The following COG4 variants were observed in gnomAD, a reference collection of about 807,000 sequenced individuals.
The protein encoded by COG4 is component of oligomeric golgi complex 4, also known as conserved oligomeric Golgi complex subunit 4.
A neutral mutation model predicts 95.1 loss-of-function variants in COG4; 65 were observed. The ratio of observed to expected loss-of-function variants is 0.68; its 90% CI spans 0.56 to 0.84. The LOEUF is 0.84. Among genes scored for constraint, COG4 ranks in the 40% least tolerant of loss-of-function variants. The pLI is 0.00. For synonymous variants in COG4, 421 were observed against 374.8 expected, an observed-to-expected ratio of 1.12 and a Z score of -1.42; for missense variants, 1,045 against 989.1, an observed-to-expected ratio of 1.06 and a Z score of -0.76.
intron 5 of COG4, 152 bp from the exon 6 acceptor site, chr16:70,510,173 T>TG (rs2049670704): frequency 1.4e-6 from 1 of 695,006 alleles, no homozygotes; most frequent in African/African-American, 1.8e-5. Context: ...GAAACTCCCT[T>TG]GAGGGACAGT....
chr16:70,490,962 T>C (rs1597662207), intron 12 of COG4, among the ~76,000 whole-genome samples: 1 of 151,262 alleles, frequency 6.6e-6, no homozygotes, highest in African/African-American at 2.4e-5. Context: ...CCCGGCGAGG[T>C]TTCAGGTCTT....
At chr16:70,505,030 A>G (rs2049532237) in intron 8 of COG4, among the ~76,000 whole-genome samples, 2 of 152,146 alleles carry the variant, frequency 1.3e-5, no homozygotes, top group African/African-American at 2.4e-5. Flanking sequence ...TTGACATTAC[A>G]TATGTATTAG....
intron 13 of COG4, among the ~76,000 whole-genome samples, chr16:70,485,952 G>A (rs1311840642): frequency 6.7e-6 from 1 of 149,568 alleles, no homozygotes; most frequent in Non-Finnish European, 1.5e-5. Context: ...CTGGAGTGCA[G>A]TGGCTTGATC....
chr16:70,510,847 T>C (rs2049688598), intron 5 of COG4, among the ~76,000 whole-genome samples: 1 of 150,876 alleles, frequency 6.6e-6, no homozygotes, highest in Non-Finnish European at 1.5e-5. Flanking sequence ...CACTGCAACC[T>C]CTGCCTCCCC....
Position 70,482,101 on chromosome 16 carries a change from T to C in COG4, c.1995A>G (p.Ala665=). The C allele has an allele frequency of 6.2e-7, 1 of 1,613,642 alleles. No individual in the cohort carries two copies. The highest frequency in any genetic ancestry group is 2.2e-5 in the East Asian group (1 of 44,886). Residue 665 remains alanine (A), a synonymous_variant, in exon 16 of 19, where the codon GCA becomes GCG. Coordinates refer to ENST00000323786, the MANE Select transcript of COG4 (RefSeq NM_015386.3). Reference sequence around the variant, plus strand: ...TAGGGCCCCTGCTCACCTTGAACTCTGCCATTTGCTGCTCCAGGTTAAGGA... The same window carrying C: ...TAGGGCCCCTGCTCACCTTGAACTCCGCCATTTGCTGCTCCAGGTTAAGGA... ...QFILNLEQQM[A]EFKASLSPVI... is the part of the protein sequence containing the mutation.
chr16:70,496,403 C>A lies in COG4; in HGVS notation c.1510G>T (p.Gly504Cys). ...RDVLCNKLRM[G>C]FPATTFQDIQ... ...TCCTGGAAGGTGGTGGCAGGAAAGC[C>A]CATCCGCAGCTTATTACACAGAACA... The change falls in exon 12 of 19, where the codon GGC becomes TGC. Residue 504 changes from glycine to cysteine, a missense_variant. Physicochemically the swap from Gly to Cys is radical, Grantham distance 159 (BLOSUM62 -3). Coordinates refer to ENST00000323786, the MANE Select transcript of COG4 (RefSeq NM_015386.3). The A allele has an allele frequency of 6.2e-7, 1 of 1,614,144 alleles. No homozygotes were observed.
rs151059781 is a variant in COG4 at position 70,522,970 on chromosome 16, A to G, written c.171+403T>C. ...AACGCTTCAAGAAGTTAATCTGCAAAGGCTTCCCTCTTAAATAACAGGATG... is the reference window on the plus strand; with the variant it reads ...AACGCTTCAAGAAGTTAATCTGCAAGGGCTTCCCTCTTAAATAACAGGATG... On this transcript the variant is annotated intron_variant, in intron 1 of 18. Coordinates refer to ENST00000323786, the MANE Select transcript of COG4 (RefSeq NM_015386.3). 3.4e-3 allele frequency: 743 copies of G among 218,200 alleles called. 5 individuals carry two copies. Among genetic ancestry groups the G allele is most frequent in the South Asian group, 5.2e-3 (84 of 16,030 alleles). 13.5% of individuals were successfully genotyped at this position (218,200 alleles called of 1,614,324 possible). A position where few individuals can be genotyped will look rare whatever the true frequency, so the allele number is the denominator to read the frequency against.
rs1290427636 is a variant in COG4 at position 70,498,365 on chromosome 16, G to A, written c.1196-310C>T. 2.7e-5 allele frequency among the ~76,000 whole-genome samples: 4 copies of A among 149,632 alleles called. No homozygotes were observed. The South Asian group carries it at 6.3e-4, about 24-fold the overall frequency. ...TTTTTTGAGACGGAGTTTCACTCTTGTTGCCCAGGCTGGAGTGCAATGGCG... is the reference window on the plus strand; with the variant it reads ...TTTTTTGAGACGGAGTTTCACTCTTATTGCCCAGGCTGGAGTGCAATGGCG... On this transcript the variant is annotated intron_variant, in intron 9 of 18. Transcript: ENST00000323786.
chr16:70,509,418 T>G (rs2049652023), intron 6 of COG4, 30 bp from the exon 7 acceptor site: 3 of 1,613,332 alleles, frequency 1.9e-6, no homozygotes, highest in Non-Finnish European at 2.5e-6. Flanking sequence ...AGGGTTATAT[T>G]CCAAGTATTC....
At chr16:70,514,089 A>C (rs1394334688) in intron 4 of COG4, among the ~76,000 whole-genome samples, 1 of 152,170 alleles carries the variant, frequency 6.6e-6, no homozygotes, top group Non-Finnish European at 1.5e-5. Context: ...GTGCACCTGT[A>C]GTCCCAGCTA....
chr16:70,510,090 TC>T (rs2049668560), intron 5 of COG4, 69 bp from the exon 6 acceptor site: 1 of 1,294,704 alleles, frequency 7.7e-7, no homozygotes, highest in Admixed American at 1.7e-5. Flanking sequence ...ATCTCAGTTT[TC>T]CAAAAATCCT....
chr16:70,498,113 C>CT, intron 9 of COG4, 58 bp from the exon 10 acceptor site: 4 of 1,077,458 alleles, frequency 3.7e-6, no homozygotes, highest in Non-Finnish European at 5.8e-6. Context: ...AACAGAGCAA[C>CT]TTTTTTCATT....
In COG4 at chr16:70,501,150, T is replaced by C. The variant is rs1015015352; in HGVS notation, c.1062-59A>G. 17 of 1,592,036 alleles carry C rather than the reference T, an allele frequency of 1.1e-5. No homozygotes were observed. The African/African-American group carries it at 2.3e-4, about 21-fold the overall frequency. ...AATGGATTACCTTAGACACAAGAGC[T>C]ACAGGGCAAAGAGAGTCCCAAATTC... On this transcript the variant is annotated intron_variant, in intron 8 of 18. Transcript: ENST00000323786.
At chr16:70,519,127 T>TATC (rs1399143122) in intron 2 of COG4, among the ~76,000 whole-genome samples, 167 of 34,980 alleles carry the variant, frequency 4.8e-3, no homozygotes, top group African/African-American at 0.033. Context: ...TTTCTTTTTT[T>TATC]TTTTTTTTTT....
At chr16:70,502,239 G>T (rs1462599953) in intron 8 of COG4, among the ~76,000 whole-genome samples, 2 of 118,418 alleles carry the variant, frequency 1.7e-5, no homozygotes, top group African/African-American at 6.7e-5. Context: ...CCAAGATCGC[G>T]CCACTGCACT....
Position 70,508,389 on chromosome 16 carries a change from G to T in COG4, c.1061+17C>A. On this transcript the variant is annotated intron_variant, in intron 8 of 18. Coordinates refer to ENST00000323786, the MANE Select transcript of COG4 (RefSeq NM_015386.3). Reference sequence around the variant, plus strand: ...ATTCAAACTCCTGTGGGCTGAAGAAGAGAGAAGGATTATTACCTTGGTTCG... The same window carrying T: ...ATTCAAACTCCTGTGGGCTGAAGAATAGAGAAGGATTATTACCTTGGTTCG... 6.2e-7 allele frequency: 1 copy of T among 1,608,098 alleles called. No individual in the cohort carries two copies. Among genetic ancestry groups the T allele is most frequent in the Non-Finnish European group, 8.5e-7 (1 of 1,174,550 alleles).
intron 1 of COG4, among the ~76,000 whole-genome samples, chr16:70,521,369 C>T (rs1318051019): frequency 6.6e-6 from 1 of 152,004 alleles, no homozygotes; most frequent in East Asian, 1.9e-4. Flanking sequence ...AGACGCCCAC[C>T]ATCACACCCG....
Position 70,509,367 on chromosome 16 carries a change from G to A in COG4, c.866C>T (p.Thr289Ile). 1 of 1,614,152 alleles carries A rather than the reference G, an allele frequency of 6.2e-7. No homozygotes were observed. Among genetic ancestry groups the A allele is most frequent in the Non-Finnish European group, 8.5e-7 (1 of 1,180,022 alleles). The change falls in exon 7 of 19, where the codon ACC (threonine) becomes ATC (isoleucine). Residue 289 changes from threonine to isoleucine, a missense_variant. By Grantham distance (89) the Thr-to-Ile change is moderately conservative. Transcript: ENST00000323786. ...ATAGGTCTCCACTATTGGCTGGTGG[G>A]TCTCCACAATGCGGGCAATCCCTAG... The part of the protein sequence containing the change: ...LFEGIARIVE[T>I]HQPIVETYYG...
At chr16:70,517,790 A>G (rs769875615) in intron 2 of COG4, 50 bp from the exon 3 acceptor site, 3 of 1,312,418 alleles carry the variant, frequency 2.3e-6, no homozygotes, top group Non-Finnish European at 3.3e-6. Context: ...CAGAGAAGAG[A>G]CAGAAACTTT....
Sources: allele counts gnomAD v4.1 joint callset (sites outside exome capture counted in the v4.1 genomes callset), GRCh38; gene constraint gnomAD v4.1.1; transcripts MANE v1.5; gene names NCBI Gene and HGNC (gene_info 2026-07-23, HGNC 2026-07-21).